Variants in MROH2B observed in about 807,000 individuals in gnomAD.
MROH2B encodes maestro heat-like repeat-containing protein family member 2B.
Under a neutral mutation model 208.6 loss-of-function variants are expected in MROH2B, and 177 were observed. The ratio of observed to expected loss-of-function variants is 0.85; its 90% CI spans 0.75 to 0.96. The LOEUF is 0.96. Among genes scored for constraint, MROH2B ranks in the 40% least tolerant of loss-of-function variants. The probability of loss-of-function intolerance (pLI) is 0.00; values close to 1 mark genes in which losing one functional copy is unlikely to be tolerated. For missense variants in MROH2B, 2,002 were observed against 1,878.7 expected (o/e 1.07, Z -1.21); for synonymous variants, 728 against 659.0 (o/e 1.10, Z -1.60).
intron 10 of MROH2B, among the ~76,000 whole-genome samples, chr5:41,055,096 T>A (rs1170820399): frequency 6.6e-6 from 1 of 152,232 alleles, no homozygotes; most frequent in Non-Finnish European, 1.5e-5. Context: ...AATATATCAT[T>A]CCTGGTGGAT....
chr5:41,069,198 T>C (rs1743904727), intron 2 of MROH2B, among the ~76,000 whole-genome samples: 1 of 152,228 alleles, frequency 6.6e-6, no homozygotes, highest in African/African-American at 2.4e-5. Flanking sequence ...CACTGTTGTT[T>C]GGAAAATATC....
chr5:41,044,104 G>C (rs1019758851), intron 18 of MROH2B, among the ~76,000 whole-genome samples: 2 of 147,326 alleles, frequency 1.4e-5, no homozygotes, highest in African/African-American at 5.1e-5. Context: ...AAAAAAATTA[G>C]CCGGGTGTGG....
rs377235097 is a variant in MROH2B at position 41,018,683 on chromosome 5, C to T, written c.2673+8G>A. 2.2e-5 allele frequency: 35 copies of T among 1,613,208 alleles called. No homozygotes were observed. The African/African-American group carries it at 4.0e-4, about 18-fold the overall frequency. ...ATGAGAATCAGTTTGAGTGGAGGCT[C>T]TACTCACATTAAACATTTCTTGACA... On this transcript the variant is annotated splice_region_variant and intron_variant, in intron 26 of 41. Transcript: ENST00000399564.
In MROH2B at chr5:41,038,795, A is replaced by G. The variant is rs1742848105; in HGVS notation, c.2155T>C (p.Ser719Pro). 1 of 1,613,706 alleles carries G rather than the reference A, an allele frequency of 6.2e-7. No individual in the cohort carries two copies. Among genetic ancestry groups the G allele is most frequent in the Non-Finnish European group, 8.5e-7 (1 of 1,179,724 alleles). ...GATATGATATCTTGATTAAGTCTGGAGAGAAGTTGCTTCTTGGGAGCATGG... is the reference window on the plus strand; with the variant it reads ...GATATGATATCTTGATTAAGTCTGGGGAGAAGTTGCTTCTTGGGAGCATGG... ...ALHAPKKQLL[S>P]RLNQDIISQV... Residue 719 changes from serine to proline, a missense_variant, in exon 21 of 42, where the codon TCC (serine) becomes CCC (proline). By Grantham distance (74) the Ser-to-Pro change is moderately conservative. Coordinates refer to ENST00000399564, the MANE Select transcript of MROH2B (RefSeq NM_173489.5).
At chr5:41,033,284 T>A (rs1160047204) in intron 22 of MROH2B, 124 bp from the exon 23 acceptor site, 5 of 1,355,214 alleles carry the variant, frequency 3.7e-6, no homozygotes, top group Non-Finnish European at 5.0e-6. Context: ...TCCTTTGCCA[T>A]CTCTACTCCA....
At chr5:41,032,695 T>G (rs369806654) in intron 24 of MROH2B, 47 bp downstream of exon 24, 10 of 1,486,602 alleles carry the variant, frequency 6.7e-6, no homozygotes, top group African/African-American at 2.8e-5. Context: ...AGGAGGAGGA[T>G]AAGGGGGAAA....
intron 24 of MROH2B, 105 bp downstream of exon 24, chr5:41,032,637 G>A (rs1742610004): frequency 1.1e-5 from 10 of 895,106 alleles, no homozygotes; most frequent in Non-Finnish European, 1.8e-5. Context: ...ACTGTGTTCA[G>A]TTTTGGGAGT....
At position 41,031,986 on chromosome 5, in the gene MROH2B, C is replaced by G. The variant is rs183964090; in HGVS notation, c.2441+756G>C. ...TATCCAGTCGACCATGGATGGGCAT[C>G]TAGGTTGATTTCACGTCTTTGCTGC... On this transcript the variant is annotated intron_variant, in intron 24 of 41. Coordinates refer to ENST00000399564, the MANE Select transcript of MROH2B (RefSeq NM_173489.5). Among the ~76,000 whole-genome samples, 17 of 152,216 alleles carry G rather than the reference C, an allele frequency of 1.1e-4. No homozygotes were observed. The East Asian group carries it at 3.1e-3, about 28-fold the overall frequency.
intron 13 of MROH2B, 58 bp downstream of exon 13, chr5:41,050,919 G>T: frequency 9.1e-7 from 1 of 1,102,122 alleles, no homozygotes; most frequent in Non-Finnish European, 1.3e-6. Context: ...TTCTTACACA[G>T]GCTGGGCTTT....
intron 28 of MROH2B, 91 bp downstream of exon 28, chr5:41,017,759 G>A (rs1415617665): frequency 2.9e-6 from 4 of 1,388,566 alleles, no homozygotes; most frequent in Non-Finnish European, 3.8e-6. Context: ...GGGGAGGAGG[G>A]AGAGAGACAT....
At chr5:41,065,542 G>A (rs1743777069) in intron 3 of MROH2B, 52 bp from the exon 4 acceptor site, 3 of 1,458,194 alleles carry the variant, frequency 2.1e-6, no homozygotes, top group South Asian at 2.4e-5. Context: ...GGCAGAGTGA[G>A]TCTATGGAGG....
intron 2 of MROH2B, 89 bp downstream of exon 2, chr5:41,069,602 T>C: frequency 2.0e-6 from 2 of 1,010,604 alleles, no homozygotes; most frequent in Non-Finnish European, 3.0e-6. Flanking sequence ...CAGAGAAAAA[T>C]GAGAAAGTTG....
chr5:41,010,145 C>T (rs1451199764), intron 30 of MROH2B, 66 bp from the exon 31 acceptor site: 1 of 1,510,698 alleles, frequency 6.6e-7, no homozygotes, highest in Non-Finnish European at 9.0e-7. Context: ...TGACTCAGAA[C>T]AGGTATCTGT....
intron 11 of MROH2B, 102 bp from the exon 12 acceptor site, chr5:41,052,689 T>A: frequency 8.6e-7 from 1 of 1,164,336 alleles, no homozygotes; most frequent in Non-Finnish European, 1.2e-6. Context: ...AGTGGGAACA[T>A]TTTTGAAAAA....
At chr5:41,038,931 A>C (rs749892315) in intron 20 of MROH2B, 43 bp from the exon 21 acceptor site, 12 of 1,549,510 alleles carry the variant, frequency 7.7e-6, no homozygotes, top group Middle Eastern at 1.7e-4. Flanking sequence ...TGACTGAAGG[A>C]GTTCTATTTT....
At position 41,058,165 on chromosome 5, in the gene MROH2B, G is replaced by C; in HGVS notation, c.654C>G (p.Ser218Arg). ...SIVKAHGPTV[S>R]LLLHREDFRG... ...GGAAGTCTTCCCGATGCAGCAGCAA[G>C]CTCACCGTGGGCCCGTGGGCCTTAA... is the stretch of plus-strand genomic sequence containing the variant. The change falls in exon 7 of 42, where the codon AGC becomes AGG. Residue 218 changes from serine to arginine, a missense_variant. Physicochemically the swap from Ser to Arg is moderately radical, Grantham distance 110 (BLOSUM62 -1). Coordinates refer to ENST00000399564, the MANE Select transcript of MROH2B (RefSeq NM_173489.5). The C allele has an allele frequency of 6.2e-7, 1 of 1,605,434 alleles. No homozygotes were observed. The highest frequency in any genetic ancestry group is 2.3e-5 in the East Asian group (1 of 44,384).
rs1036570558 is a variant in MROH2B at position 41,061,598 on chromosome 5, T to G, written c.587A>C (p.Lys196Thr). ...IFMLFWYIME[K>T]WAPLASPMQT... is the part of the protein sequence containing the mutation. ...CATGGGTGAGGCCAAAGGGGCCCAC[T>G]TCTCCATTATATACCAGAACAGCAT... is the stretch of plus-strand genomic sequence containing the variant. The change falls in exon 6 of 42, where the codon AAG becomes ACG. Residue 196 changes from lysine (K) to threonine (T), a missense_variant. By Grantham distance (78) the Lys-to-Thr change is moderately conservative (BLOSUM62 -1). Coordinates refer to ENST00000399564, the MANE Select transcript of MROH2B (RefSeq NM_173489.5). 2 of 1,613,596 alleles carry G rather than the reference T, an allele frequency of 1.2e-6. No homozygotes were observed. The highest frequency in any genetic ancestry group is 1.7e-5 in the Admixed American group (1 of 59,984).
At chr5:41,062,250 G>T (rs1394987759) in intron 5 of MROH2B, among the ~76,000 whole-genome samples, 1 of 152,122 alleles carries the variant, frequency 6.6e-6, no homozygotes, top group African/African-American at 2.4e-5. Context: ...CTATAGACAT[G>T]TAATAGAATA....
intron 30 of MROH2B, 61 bp from the exon 31 acceptor site, chr5:41,010,140 C>T: frequency 6.5e-7 from 1 of 1,539,506 alleles, no homozygotes. Context: ...GTGAATGACT[C>T]AGAACAGGTA....
Sources: gnomAD v4.1 joint callset for allele counts (sites outside exome capture counted in the v4.1 genomes callset) on GRCh38, gnomAD v4.1.1 for gene constraint, MANE v1.5 for transcripts, NCBI Gene and HGNC (gene_info 2026-07-23, HGNC 2026-07-21) for gene names.